PLCG1: variants seen among roughly 807,000 people sequenced by gnomAD.
PLCG1 encodes 1-phosphatidylinositol 4,5-bisphosphate phosphodiesterase gamma-1.
In PLCG1, 71 loss-of-function variants were observed where a neutral mutation model predicts 177.8. The observed-to-expected ratio is 0.40, with a 90% CI of 0.33 to 0.49. PLCG1 has a LOEUF of 0.49. Ranked by LOEUF, PLCG1 falls within the 20% of genes least tolerant of loss-of-function variation. PLCG1 has a pLI of 0.72. For synonymous variants in PLCG1, 658 were observed against 647.9 expected, an observed-to-expected ratio of 1.02 and a Z score of -0.24; for missense variants, 1,281 against 1,709.0, an observed-to-expected ratio of 0.75 and a Z score of 4.42.
At position 41,173,885 on chromosome 20, in the gene PLCG1, C is replaced by G. The variant is rs545162857; in HGVS notation, c.3557-38C>G. ...GGTGGGGCTGGGCCCCTTGCTCTGT[C>G]CCTCGTGGGCTGAGGGCCAGGCTTT... On this transcript the variant is annotated intron_variant, in intron 29 of 31. Transcript: ENST00000685551. The surrounding 1 kb of genome is among the most constrained non-coding windows in gnomAD (Gnocchi z 6.2). 13 of 1,611,212 alleles carry G rather than the reference C, an allele frequency of 8.1e-6. No individual in the cohort carries two copies. In the African/African-American group the frequency reaches 1.6e-4, roughly 20 times the overall value.
At chr20:41,143,068 A>C (rs1472705484) in intron 1 of PLCG1, among the ~76,000 whole-genome samples, 1 of 152,194 alleles carries the variant, frequency 6.6e-6, no homozygotes, top group Non-Finnish European at 1.5e-5. Context: ...GCAGGGAGAC[A>C]GGGCAGTTGG....
Position 41,167,561 on chromosome 20 carries a change from A to G in PLCG1, c.2302-291A>G. 2.4e-6 allele frequency: 1 copy of G among 420,926 alleles called. No homozygotes were observed. Among genetic ancestry groups the G allele is most frequent in the Non-Finnish European group, 4.4e-6 (1 of 229,802 alleles). The allele number at this position is 420,926 out of a possible 1,614,324, so 26.1% of individuals were successfully genotyped here. A position where few individuals can be genotyped will look rare whatever the true frequency, so the allele number is the denominator to read the frequency against. On this transcript the variant is annotated intron_variant, in intron 19 of 31. Coordinates refer to ENST00000685551, the MANE Select transcript of PLCG1 (RefSeq NM_002660.3). This position sits in a 1 kb window ranked among gnomAD's most constrained non-coding sequence, Gnocchi z 4.4. ...AGCACTGAATATGGGTAGTCTGTGAAGGGCCCACCTGCACATAGCTCAGAA... is the reference window on the plus strand; with the variant it reads ...AGCACTGAATATGGGTAGTCTGTGAGGGGCCCACCTGCACATAGCTCAGAA...
At position 41,147,972 on chromosome 20, in the gene PLCG1, A is replaced by G. The variant is rs2035046420; in HGVS notation, c.217+10114A>G. On this transcript the variant is annotated intron_variant, in intron 1 of 31. Transcript: ENST00000685551. This position sits in a 1 kb window ranked among gnomAD's most constrained non-coding sequence, Gnocchi z 4.0. ...CTGGGGCCCTGTTTCCCAGGAAGCAAAAAGGGAACAGGAGAGTGGCTTGGC... is the reference window on the plus strand; with the variant it reads ...CTGGGGCCCTGTTTCCCAGGAAGCAGAAAGGGAACAGGAGAGTGGCTTGGC... Among the ~76,000 whole-genome samples the G allele has an allele frequency of 6.6e-6, 1 of 152,152 alleles. No homozygotes were observed. Among genetic ancestry groups the G allele is most frequent in the South Asian group, 2.1e-4 (1 of 4,826 alleles).
intron 1 of PLCG1, among the ~76,000 whole-genome samples, chr20:41,152,874 G>A (rs940660154): frequency 2.0e-5 from 3 of 152,272 alleles, no homozygotes; most frequent in African/African-American, 7.2e-5. Flanking sequence ...GCTTAAGTGA[G>A]GAGGTAGGAG....
intron 1 of PLCG1, among the ~76,000 whole-genome samples, chr20:41,138,602 A>T (rs1287016953): frequency 2.0e-5 from 3 of 151,056 alleles, no homozygotes; most frequent in Non-Finnish European, 2.9e-5. Context: ...TTCCCAGGAG[A>T]TGGGCCCCAT....
rs140455136 is a variant in PLCG1, at chr20:41,159,768, A to C, written c.370+10A>C. ...ACGCTGAGCCTGCAAGGTGGGAGTT[A>C]AGGGGGTAGAGGAGGTAGAGGATAG... On this transcript the variant is annotated intron_variant, in intron 2 of 31. Coordinates refer to ENST00000685551, the MANE Select transcript of PLCG1 (RefSeq NM_002660.3). This position sits in a 1 kb window ranked among gnomAD's most constrained non-coding sequence, Gnocchi z 6.0. 1.8e-4 allele frequency: 284 copies of C among 1,614,142 alleles called. No individual in the cohort carries two copies. The African/African-American group carries it at 3.4e-3, about 19-fold the overall frequency.
intron 4 of PLCG1, 159 bp from the exon 5 acceptor site, chr20:41,162,293 A>G (rs1600658470): frequency 5.9e-6 from 2 of 339,612 alleles, no homozygotes; most frequent in South Asian, 2.6e-5. Context: ...AAAGGAAGGG[A>G]CTAACCTCAC....
intron 4 of PLCG1, among the ~76,000 whole-genome samples, chr20:41,161,550 G>C (rs1484279307): frequency 6.6e-6 from 1 of 152,164 alleles, no homozygotes; most frequent in Non-Finnish European, 1.5e-5. Context: ...CAAGGACCCT[G>C]ATAGCACCTA....
chr20:41,139,394 T>C (rs1325506837), intron 1 of PLCG1, among the ~76,000 whole-genome samples: 1 of 152,124 alleles, frequency 6.6e-6, no homozygotes, highest in Non-Finnish European at 1.5e-5. Context: ...CTGTGTTGAG[T>C]TGGTGGCACT....
rs148869745 is a variant in PLCG1, at chr20:41,151,001, A to G, written c.218-8605A>G. 2.6e-5 allele frequency among the ~76,000 whole-genome samples: 4 copies of G among 152,302 alleles called. No individual in the cohort carries two copies. Among genetic ancestry groups the G allele is most frequent in the South Asian group, 4.1e-4 (2 of 4,832 alleles). On this transcript the variant is annotated intron_variant, in intron 1 of 31. Coordinates refer to ENST00000685551, the MANE Select transcript of PLCG1 (RefSeq NM_002660.3). This position sits in a 1 kb window ranked among gnomAD's most constrained non-coding sequence, Gnocchi z 5.5. ...CCAGGGCCTGACATGGAGTAGATAGATGCCCGATAAATGTTTGATCAGATG... is the reference window on the plus strand; with the variant it reads ...CCAGGGCCTGACATGGAGTAGATAGGTGCCCGATAAATGTTTGATCAGATG...
chr20:41,169,622 AC>A (rs1204875395), intron 23 of PLCG1, 96 bp downstream of exon 23: 60 of 976,922 alleles, frequency 6.1e-5, no homozygotes, highest in Non-Finnish European at 8.9e-5. Flanking sequence ...TGATGGCTGA[AC>A]CCCAAAGTCT....
In PLCG1 at chr20:41,174,617, G is replaced by A. The variant is rs972058136; in HGVS notation, c.*108G>A. 11 of 905,070 alleles carry A rather than the reference G, an allele frequency of 1.2e-5. No homozygotes were observed. The highest frequency in any genetic ancestry group is 2.0e-5 in the Non-Finnish European group (11 of 563,950). The allele number at this position is 905,070 out of a possible 1,614,324, so 56.1% of individuals were successfully genotyped here. A position where few individuals can be genotyped will look rare whatever the true frequency, so the allele number is the denominator to read the frequency against. On this transcript the variant is annotated 3_prime_UTR_variant, in exon 32 of 32. Coordinates refer to ENST00000685551, the MANE Select transcript of PLCG1 (RefSeq NM_002660.3). This position sits in a 1 kb window ranked among gnomAD's most constrained non-coding sequence, Gnocchi z 5.8. ...CTGTGGCGGCCTTCCGGGTCTCGCA[G>A]CCTGAAGCCTGGATTCCAGCAGTGA...
In PLCG1 at chr20:41,147,156, A is replaced by C. The variant is rs993745400; in HGVS notation, c.217+9298A>C. The stretch of plus-strand genomic sequence containing the variant: ...AGTCACTTCCTCCACCTTCAACAGT[A>C]ATTGAGTATAATGTGCCTGTGTTAG... On this transcript the variant is annotated intron_variant, in intron 1 of 31. Transcript: ENST00000685551. This position sits in a 1 kb window ranked among gnomAD's most constrained non-coding sequence, Gnocchi z 4.0. Among the ~76,000 whole-genome samples, 4 of 152,176 alleles carry C rather than the reference A, an allele frequency of 2.6e-5. No homozygotes were observed. Among genetic ancestry groups the C allele is most frequent in the African/African-American group, 9.7e-5 (4 of 41,444 alleles).
At chr20:41,169,667 A>T in intron 23 of PLCG1, 141 bp downstream of exon 23, 1 of 691,992 alleles carries the variant, frequency 1.4e-6, no homozygotes, top group South Asian at 1.8e-5. Context: ...TGCTCTGGAC[A>T]TCCCCTTGAC....
chr20:41,165,914 C>A lies in PLCG1; in HGVS notation c.1799+88C>A. Reference sequence around the variant, plus strand: ...CAGAGATAATCAGTTAACATTTGAGCCTTTGATCCAGGACAATAATTAGGC... The same window carrying A: ...CAGAGATAATCAGTTAACATTTGAGACTTTGATCCAGGACAATAATTAGGC... On this transcript the variant is annotated intron_variant, in intron 16 of 31. Coordinates refer to ENST00000685551, the MANE Select transcript of PLCG1 (RefSeq NM_002660.3). The surrounding 1 kb of genome is among the most constrained non-coding windows in gnomAD (Gnocchi z 6.6). The A allele has an allele frequency of 8.7e-7, 1 of 1,143,368 alleles. No homozygotes were observed. The highest frequency in any genetic ancestry group is 1.2e-6 in the Non-Finnish European group (1 of 802,590). 70.8% of individuals were successfully genotyped at this position (1,143,368 alleles called of 1,614,324 possible).
Position 41,172,141 on chromosome 20 carries a change from C to A in PLCG1, c.2809-52C>A, listed in dbSNP as rs569269984. ...GCCCAAGGTTGGCAGGGGCTTCCTT[C>A]TCCTGGGCAGGGCTGTAGCCTGGGG... On this transcript the variant is annotated intron_variant, in intron 24 of 31. Transcript: ENST00000685551. The surrounding 1 kb of genome is among the most constrained non-coding windows in gnomAD (Gnocchi z 7.0). The A allele has an allele frequency of 6.9e-7, 1 of 1,456,860 alleles. No homozygotes were observed. Among genetic ancestry groups the A allele is most frequent in the South Asian group, 1.1e-5 (1 of 87,900 alleles). 90.2% of individuals were successfully genotyped at this position (1,456,860 alleles called of 1,614,324 possible). A position where few individuals can be genotyped will look rare whatever the true frequency, so the allele number is the denominator to read the frequency against.
intron 4 of PLCG1, among the ~76,000 whole-genome samples, chr20:41,161,398 A>G (rs1275270094): frequency 6.6e-6 from 1 of 152,172 alleles, no homozygotes; most frequent in Non-Finnish European, 1.5e-5. Flanking sequence ...CAGTAGCTGG[A>G]GAGCTAAGCA....
In PLCG1 at chr20:41,168,762, T is replaced by G. The variant is rs2035789592; in HGVS notation, c.2380-5T>G. On this transcript the variant is annotated splice_region_variant and splice_polypyrimidine_tract_variant and intron_variant, in intron 20 of 31. Transcript: ENST00000685551. ...TGCTCTGACTGGTGCTTCTCACCTC[T>G]GCAGTGTGCAGTCAAAGCCCTCTTT... 3 of 1,581,928 alleles carry G rather than the reference T, an allele frequency of 1.9e-6. No individual in the cohort carries two copies. The African/African-American group carries it at 4.0e-5, about 21-fold the overall frequency.
Position 41,166,387 on chromosome 20 carries a change from A to G in PLCG1, c.1993A>G (p.Ser665Gly). 6.2e-7 allele frequency: 1 copy of G among 1,613,992 alleles called. No individual in the cohort carries two copies. The highest frequency in any genetic ancestry group is 8.5e-7 in the Non-Finnish European group (1 of 1,180,022). ...EPVPQTNAHE[S>G]KEWYHASLTR... The stretch of plus-strand genomic sequence containing the variant: ...TGTCCCACAGACCAACGCCCACGAG[A>G]GCAAAGAGTGAGGGAAGGGCCTGGG... Residue 665 changes from serine to glycine, a missense_variant, in exon 17 of 32, where the codon AGC becomes GGC. Coordinates refer to ENST00000685551, the MANE Select transcript of PLCG1 (RefSeq NM_002660.3). The surrounding 1 kb of genome is among the most constrained non-coding windows in gnomAD (Gnocchi z 8.6).
Sources: allele counts gnomAD v4.1 joint callset (sites outside exome capture counted in the v4.1 genomes callset), GRCh38; gene constraint gnomAD v4.1.1; non-coding constraint Gnocchi (gnomAD v3.1); transcripts MANE v1.5; gene names NCBI Gene and HGNC (gene_info 2026-07-23, HGNC 2026-07-21).